MYO3A: variants seen among roughly 807,000 people sequenced by gnomAD.
MYO3A encodes myosin IIIA.
MYO3A carries 180 observed loss-of-function variants against 192.7 expected under a neutral mutation model. That is an observed-to-expected ratio of 0.93 (90% CI 0.83 to 1.06). The LOEUF (loss-of-function observed/expected upper bound fraction) is 1.06, where lower values mean the gene tolerates loss of function less well. MYO3A is among the 50% of genes least tolerant of loss of function. MYO3A has a pLI of 0.00. For missense variants in MYO3A, 1,896 were observed against 1,905.0 expected (o/e 1.00, Z 0.09); for synonymous variants, 628 against 645.3 (o/e 0.97, Z 0.41).
At chr10:26,040,328 A>G (rs967276005) in intron 10 of MYO3A, among the ~76,000 whole-genome samples, 2 of 152,164 alleles carry the variant, frequency 1.3e-5, no homozygotes, top group Admixed American at 1.3e-4. Context: ...TAACATTAGA[A>G]TAGTCTGAAT....
At chr10:26,088,495 TTTTA>T in intron 15 of MYO3A, 90 bp downstream of exon 15, 1 of 1,283,520 alleles carries the variant, frequency 7.8e-7, no homozygotes, top group Non-Finnish European at 1.1e-6. Flanking sequence ...TTCAATAAAA[TTTTA>T]TTTATCACTT....
rs1325197399 is a variant in MYO3A at position 26,147,431 on chromosome 10, T to C, written c.2507T>C (p.Val836Ala). 1.2e-6 allele frequency: 2 copies of C among 1,612,200 alleles called. No homozygotes were observed. Among genetic ancestry groups the C allele is most frequent in the African/African-American group, 2.7e-5 (2 of 74,870 alleles). ...AATTATAGCATACTGTATCAACAGGTCCTCTATAATGCAAGTGGATTCTTA... is the reference window on the plus strand; with the variant it reads ...AATTATAGCATACTGTATCAACAGGCCCTCTATAATGCAAGTGGATTCTTA... ...SFGIHHYAGK[V>A]LYNASGFLAK... The change falls in exon 23 of 35, where the codon GTC becomes GCC. Residue 836 changes from valine (V) to alanine (A), a missense_variant and splice_region_variant. Val to Ala is a moderately conservative substitution (Grantham distance 64). Coordinates refer to ENST00000642920, the MANE Select transcript of MYO3A (RefSeq NM_017433.5).
chr10:26,105,422 T>G (rs530069993), intron 17 of MYO3A, among the ~76,000 whole-genome samples: 1 of 152,268 alleles, frequency 6.6e-6, no homozygotes, highest in South Asian at 2.1e-4. Context: ...AAGTAACATG[T>G]TGTTTTAAAT....
At chr10:26,018,653 G>A (rs1051183706) in intron 7 of MYO3A, among the ~76,000 whole-genome samples, 1 of 152,134 alleles carries the variant, frequency 6.6e-6, no homozygotes, top group African/African-American at 2.4e-5. Context: ...GGGAATTAGC[G>A]ACTGTAGTAG....
chr10:26,159,402 C>G (rs1172678159), intron 26 of MYO3A, among the ~76,000 whole-genome samples: 2 of 148,530 alleles, frequency 1.3e-5, no homozygotes, highest in East Asian at 3.9e-4. Context: ...CTCTGTCACC[C>G]AGGCTGGAGT....
chr10:26,143,778 G>A (rs1840302364), intron 21 of MYO3A, among the ~76,000 whole-genome samples, 177 bp downstream of exon 21: 1 of 152,196 alleles, frequency 6.6e-6, no homozygotes, highest in Non-Finnish European at 1.5e-5. Context: ...GTTTATGATA[G>A]GGTAAAATAT....
chr10:25,941,193 A>G (rs966546366), intron 2 of MYO3A, among the ~76,000 whole-genome samples: 1 of 152,186 alleles, frequency 6.6e-6, no homozygotes, highest in South Asian at 2.1e-4. Flanking sequence ...GACTGTTGTC[A>G]CTTCTCAGGC....
rs1419380325 is a variant in MYO3A at position 26,118,978 on chromosome 10, G to A, written c.1777-1698G>A. Reference sequence around the variant, plus strand: ...AGGGAGCCTGGGTGGTCTTGCCTAGGCTCACCTCTCTGAGTTCTTACTGCA... The same window carrying A: ...AGGGAGCCTGGGTGGTCTTGCCTAGACTCACCTCTCTGAGTTCTTACTGCA... On this transcript the variant is annotated intron_variant, in intron 17 of 34. Transcript: ENST00000642920. 5.3e-5 allele frequency among the ~76,000 whole-genome samples: 8 copies of A among 152,082 alleles called. No homozygotes were observed. The South Asian group carries it at 6.2e-4, about 12-fold the overall frequency.
intron 10 of MYO3A, among the ~76,000 whole-genome samples, chr10:26,066,690 C>G (rs975584354): frequency 6.6e-6 from 1 of 152,168 alleles, no homozygotes; most frequent in Admixed American, 6.5e-5. Flanking sequence ...GATTCAATCA[C>G]ACAGAAATTT....
chr10:26,197,415 A>G (rs1459182250), intron 32 of MYO3A, among the ~76,000 whole-genome samples: 1 of 152,234 alleles, frequency 6.6e-6, no homozygotes, highest in East Asian at 1.9e-4. Context: ...ATCAAAAAGA[A>G]CAGTCTATGG....
chr10:26,002,364 A>G (rs954010621), intron 6 of MYO3A, among the ~76,000 whole-genome samples: 6 of 152,174 alleles, frequency 3.9e-5, no homozygotes, highest in Non-Finnish European at 1.5e-5. Flanking sequence ...AGAAGGATGC[A>G]CCCCTAGAGA....
At chr10:26,207,454 A>T (rs995683) in intron 34 of MYO3A, among the ~76,000 whole-genome samples, 46,165 of 152,094 alleles carry the variant, frequency 0.3, 9,715 homozygotes, top group African/African-American at 0.6. Context: ...TGAGATTGCT[A>T]TTTGTAAGTG....
intron 4 of MYO3A, among the ~76,000 whole-genome samples, chr10:25,961,331 A>C (rs1282417455): frequency 2.0e-5 from 3 of 152,100 alleles, no homozygotes; most frequent in Non-Finnish European, 2.9e-5. Context: ...ATATCTTGGC[A>C]TTTCTCACCT....
intron 17 of MYO3A, among the ~76,000 whole-genome samples, chr10:26,106,933 T>A (rs1564555443): frequency 1.3e-5 from 2 of 151,718 alleles, no homozygotes; most frequent in Non-Finnish European, 2.9e-5. Context: ...GTATCTATTT[T>A]TTTCTTTTAT....
chr10:26,021,874 C>T, intron 8 of MYO3A: 1 of 559,754 alleles, frequency 1.8e-6, no homozygotes, highest in South Asian at 2.0e-5. Flanking sequence ...GTGTGTCTTT[C>T]TCTCTTTTGC....
At chr10:25,952,422 A>G (rs573359191) in intron 3 of MYO3A, 144 bp downstream of exon 3, 10 of 1,031,520 alleles carry the variant, frequency 9.7e-6, no homozygotes, top group East Asian at 5.5e-5. Flanking sequence ...AGAGAAGTCT[A>G]CTTATTTGCT....
intron 6 of MYO3A, among the ~76,000 whole-genome samples, chr10:26,003,057 T>C (rs1001735200): frequency 2.6e-5 from 4 of 152,180 alleles, no homozygotes; most frequent in African/African-American, 9.6e-5. Context: ...CATATAATTA[T>C]GTGACAATGA....
At chr10:26,149,291 G>C (rs1840651712) in intron 23 of MYO3A, among the ~76,000 whole-genome samples, 1 of 152,016 alleles carries the variant, frequency 6.6e-6, no homozygotes, top group African/African-American at 2.4e-5. Flanking sequence ...CTAGAGTGCA[G>C]TGGCACAATT....
At chr10:26,070,495 C>A in intron 14 of MYO3A, 94 bp downstream of exon 14, 1 of 1,085,028 alleles carries the variant, frequency 9.2e-7, no homozygotes, top group Non-Finnish European at 1.4e-6. Flanking sequence ...TAGTATCTCA[C>A]ATTTAATAAT....
Sources: gnomAD v4.1 joint callset for allele counts (sites outside exome capture counted in the v4.1 genomes callset) on GRCh38, gnomAD v4.1.1 for gene constraint, MANE v1.5 for transcripts, NCBI Gene and HGNC (gene_info 2026-07-23, HGNC 2026-07-21) for gene names.